SYT10: variants seen among roughly 807,000 people sequenced by gnomAD.
SYT10 encodes the protein synaptotagmin-10.
SYT10 carries 31 observed loss-of-function variants against 51.1 expected under a neutral mutation model. The observed-to-expected ratio is 0.61, with a 90% CI of 0.46 to 0.82. SYT10 has a LOEUF of 0.82. SYT10 is among the 40% of genes least tolerant of loss of function. The probability of loss-of-function intolerance (pLI) is 0.00; values close to 1 mark genes in which losing one functional copy is unlikely to be tolerated. For missense variants in SYT10, 603 were observed against 634.0 expected, an observed-to-expected ratio of 0.95 and a Z score of 0.53; for synonymous variants, 233 against 225.9, an observed-to-expected ratio of 1.03 and a Z score of -0.28.
Position 33,376,811 on chromosome 12 carries a change from T to C in SYT10, c.*19A>G. 1 of 1,613,802 alleles carries C rather than the reference T, an allele frequency of 6.2e-7. No homozygotes were observed. Among genetic ancestry groups the C allele is most frequent in the Non-Finnish European group, 8.5e-7 (1 of 1,179,720 alleles). ...ACGTGATCCTAGATGCTTAATATCA[T>C]GGTCTCATTTTGGAGGCATTATGGT... On this transcript the variant is annotated 3_prime_UTR_variant, in exon 7 of 7. Transcript: ENST00000228567.
chr12:33,392,605 T>C (rs1000103954), intron 3 of SYT10, among the ~76,000 whole-genome samples: 1 of 152,090 alleles, frequency 6.6e-6, no homozygotes, highest in African/African-American at 2.4e-5. Flanking sequence ...CTTTTCTGCC[T>C]TCTCTACTTG....
chr12:33,436,153 G>C (rs2138443382), intron 1 of SYT10, among the ~76,000 whole-genome samples: 1 of 152,208 alleles, frequency 6.6e-6, no homozygotes, highest in African/African-American at 2.4e-5. Flanking sequence ...ATGAGCATTT[G>C]AGCAGCAATT....
intron 4 of SYT10, among the ~76,000 whole-genome samples, chr12:33,383,293 AT>A (rs77485873): frequency 0.21 from 32,111 of 151,452 alleles, 3,651 homozygotes; most frequent in South Asian, 0.29. Flanking sequence ...TTTGCTATCA[AT>A]TTTTTTTTCA....
At chr12:33,402,364 C>T (rs1216369466) in intron 3 of SYT10, among the ~76,000 whole-genome samples, 1 of 152,002 alleles carries the variant, frequency 6.6e-6, no homozygotes, top group Non-Finnish European at 1.5e-5. Context: ...TTTTTTTCTT[C>T]AAGAATCATC....
intron 1 of SYT10, among the ~76,000 whole-genome samples, chr12:33,431,981 T>C (rs1490885452): frequency 6.6e-6 from 1 of 152,162 alleles, no homozygotes; most frequent in Non-Finnish European, 1.5e-5. Context: ...AATATGATAA[T>C]GTGTGGAAAA....
intron 2 of SYT10, among the ~76,000 whole-genome samples, chr12:33,420,510 G>T (rs181239003): frequency 6.6e-6 from 1 of 152,068 alleles, no homozygotes; most frequent in Non-Finnish European, 1.5e-5. Context: ...TAATTAGCTG[G>T]GCCTGGTGGT....
chr12:33,377,297 C>T (rs990907575), intron 6 of SYT10, among the ~76,000 whole-genome samples: 8 of 152,042 alleles, frequency 5.3e-5, no homozygotes, highest in African/African-American at 1.5e-4. Context: ...CTCAGCCTCC[C>T]GAGTAGCTTG....
chr12:33,424,156 A>G, intron 2 of SYT10: 1 of 350,310 alleles, frequency 2.9e-6, no homozygotes, highest in Admixed American at 4.1e-5. Context: ...TGAAATTTTT[A>G]TGTTTTTCTG....
At chr12:33,387,747 G>GTTTTTTT (rs34524429) in intron 3 of SYT10, among the ~76,000 whole-genome samples, 5 of 122,668 alleles carry the variant, frequency 4.1e-5, no homozygotes, top group Admixed American at 1.7e-4. Context: ...CTTCTAACAT[G>GTTTTTTT]TTTTTTTTTT....
chr12:33,384,722 A>T (rs1866142741), intron 4 of SYT10, among the ~76,000 whole-genome samples: 1 of 152,200 alleles, frequency 6.6e-6, no homozygotes, highest in African/African-American at 2.4e-5. Flanking sequence ...ATTTTTAGTT[A>T]GGTGGAAAAA....
chr12:33,374,425 T>C lies in SYT10; in HGVS notation c.*2405A>G, dbSNP rs1250966895. The C allele has an allele frequency of 1.3e-5, 2 of 151,732 alleles. No individual in the cohort carries two copies. Among genetic ancestry groups the C allele is most frequent in the African/African-American group, 4.8e-5 (2 of 41,364 alleles). The allele number at this position is 151,732 out of a possible 1,614,324, so 9.4% of individuals were successfully genotyped here. A position where few individuals can be genotyped will look rare whatever the true frequency, so the allele number is the denominator to read the frequency against. On this transcript the variant is annotated 3_prime_UTR_variant, in exon 7 of 7. Transcript: ENST00000228567. ...TTTAAATACTGAAACTGAAAATATT[T>C]CATCTTCAATTACAAGCAGAAAGAT...
At chr12:33,410,876 TA>T (rs1476796045) in intron 2 of SYT10, among the ~76,000 whole-genome samples, 1 of 152,116 alleles carries the variant, frequency 6.6e-6, no homozygotes, top group African/African-American at 2.4e-5. Context: ...ATTTTCACAA[TA>T]AAAAGTTAGG....
intron 3 of SYT10, chr12:33,405,269 G>A (rs1866343219): frequency 6.6e-6 from 1 of 152,080 alleles, no homozygotes; most frequent in African/African-American, 2.4e-5. Context: ...ATCTGCATTT[G>A]TAGAATTCTA....
intron 2 of SYT10, among the ~76,000 whole-genome samples, chr12:33,417,587 G>T (rs907368171): frequency 6.6e-6 from 1 of 152,218 alleles, no homozygotes; most frequent in Non-Finnish European, 1.5e-5. Context: ...ACTCTCAAAA[G>T]ATTGAGAGGG....
chr12:33,388,531 T>G (rs556113119), intron 3 of SYT10, among the ~76,000 whole-genome samples: 9 of 152,320 alleles, frequency 5.9e-5, no homozygotes, highest in Admixed American at 3.3e-4. Flanking sequence ...TTTGAAAGCC[T>G]GTTATAAAGT....
chr12:33,397,345 T>A (rs556531902), intron 3 of SYT10, among the ~76,000 whole-genome samples: 2 of 152,094 alleles, frequency 1.3e-5, no homozygotes, highest in African/African-American at 4.8e-5. Context: ...TCATGACCAC[T>A]AGGACTTAAA....
rs188436419 is a variant in SYT10, at chr12:33,381,297, C to A, written c.1370+1052G>T. Among the ~76,000 whole-genome samples the A allele has an allele frequency of 3.7e-3, 561 of 152,100 alleles. 3 individuals are homozygous for A. The highest frequency in any genetic ancestry group is 0.013 in the African/African-American group (530 of 41,526). The stretch of plus-strand genomic sequence containing the variant: ...AATGTTATTTTTCAGTGTTTCCCCC[C>A]CTAGCTCTAAGCCAGAGGAGAGCAC... On this transcript the variant is annotated intron_variant, in intron 5 of 6. Transcript: ENST00000228567.
At chr12:33,424,018 A>T (rs1866527695) in intron 2 of SYT10, 1 of 455,712 alleles carries the variant, frequency 2.2e-6, no homozygotes, top group Non-Finnish European at 4.4e-6. Flanking sequence ...CACTCATATA[A>T]ACAATGAAAG....
chr12:33,437,717 G>T (rs754578010), intron 1 of SYT10, among the ~76,000 whole-genome samples: 1 of 151,996 alleles, frequency 6.6e-6, no homozygotes, highest in African/African-American at 2.4e-5. Context: ...GTTACCTTTA[G>T]CAAGTGGGTC....
Sources: allele counts gnomAD v4.1 joint callset (sites outside exome capture counted in the v4.1 genomes callset), GRCh38; gene constraint gnomAD v4.1.1; transcripts MANE v1.5; gene names NCBI Gene and HGNC (gene_info 2026-07-23, HGNC 2026-07-21).